The following AUTS2 variants were observed in gnomAD, a reference collection of about 807,000 sequenced individuals.
AUTS2 encodes activator of transcription and developmental regulator AUTS2.
A neutral mutation model predicts 112.4 loss-of-function variants in AUTS2; 17 were observed. That is an observed-to-expected ratio of 0.15 (90% CI 0.10 to 0.23). The LOEUF (loss-of-function observed/expected upper bound fraction) is 0.23. AUTS2 is among the 10% of genes least tolerant of loss of function. AUTS2 has a pLI of 1.00. For missense variants in AUTS2, 1,510 were observed against 1,701.6 expected, an observed-to-expected ratio of 0.89 and a Z score of 1.98; for synonymous variants, 751 against 702.7, an observed-to-expected ratio of 1.07 and a Z score of -1.09.
At chr7:70,649,866 G>A (rs1259728143) in intron 5 of AUTS2, among the ~76,000 whole-genome samples, 2 of 152,164 alleles carry the variant, frequency 1.3e-5, no homozygotes, top group Non-Finnish European at 2.9e-5. Flanking sequence ...TGATCTGTGT[G>A]CCACATTTCC....
intron 2 of AUTS2, among the ~76,000 whole-genome samples, chr7:69,965,528 C>T (rs1797603336): frequency 6.6e-6 from 1 of 152,142 alleles, no homozygotes; most frequent in African/African-American, 2.4e-5. Context: ...TAGATGCCCC[C>T]AACCCAGACT....
chr7:70,330,737 C>T (rs1474772909), intron 4 of AUTS2, among the ~76,000 whole-genome samples: 1 of 152,202 alleles, frequency 6.6e-6, no homozygotes, highest in Non-Finnish European at 1.5e-5. Context: ...CTTAACAATA[C>T]TGTCTCCCAA....
chr7:70,124,281 A>C (rs1249340471), intron 3 of AUTS2, among the ~76,000 whole-genome samples: 2 of 152,138 alleles, frequency 1.3e-5, no homozygotes, highest in African/African-American at 4.8e-5. Context: ...TAGTTTGCAA[A>C]TATTTTTCTC....
chr7:70,205,691 A>G (rs902879317), intron 4 of AUTS2, among the ~76,000 whole-genome samples: 2 of 152,194 alleles, frequency 1.3e-5, no homozygotes, highest in African/African-American at 4.8e-5. Flanking sequence ...TTTGCACAGC[A>G]ACGAGATCAC....
intron 1 of AUTS2, among the ~76,000 whole-genome samples, chr7:69,607,435 G>A (rs997048727): frequency 7.2e-5 from 11 of 152,116 alleles, no homozygotes; most frequent in Admixed American, 6.6e-4. Context: ...AGGACATTGT[G>A]TATGAAACGC....
chr7:69,659,405 CT>C (rs1795683131), intron 1 of AUTS2, among the ~76,000 whole-genome samples: 1 of 148,442 alleles, frequency 6.7e-6, no homozygotes, highest in South Asian at 2.1e-4. Context: ...CTGTTTTTCT[CT>C]TATTAAATAA....
chr7:70,128,482 T>G (rs917893375), intron 3 of AUTS2, among the ~76,000 whole-genome samples: 3 of 152,120 alleles, frequency 2.0e-5, no homozygotes, highest in Admixed American at 6.5e-5. Flanking sequence ...TAGGTGACAT[T>G]AAAACTGAGG....
intron 1 of AUTS2, among the ~76,000 whole-genome samples, chr7:69,763,932 A>G (rs924420292): frequency 2.6e-5 from 4 of 152,200 alleles, no homozygotes; most frequent in African/African-American, 9.6e-5. Flanking sequence ...CTTGGTAGGT[A>G]CCTAGTGAGC....
chr7:69,784,664 A>G (rs145284519), intron 1 of AUTS2, among the ~76,000 whole-genome samples: 1 of 152,340 alleles, frequency 6.6e-6, no homozygotes, highest in Admixed American at 6.5e-5. Flanking sequence ...TAGAGAAAGA[A>G]AGGAACAGTT....
chr7:70,275,914 G>C (rs1019296232), intron 4 of AUTS2, among the ~76,000 whole-genome samples: 1 of 152,142 alleles, frequency 6.6e-6, no homozygotes, highest in Admixed American at 6.6e-5. Context: ...AAATTACCCA[G>C]TCTTGGGCAG....
intron 5 of AUTS2, among the ~76,000 whole-genome samples, chr7:70,561,155 T>C (rs537531798): frequency 6.6e-6 from 1 of 152,338 alleles, no homozygotes; most frequent in South Asian, 2.1e-4. Flanking sequence ...TTTCTAAATC[T>C]TAGCATGTGA....
At chr7:69,865,924 G>A (rs1441397475) in intron 1 of AUTS2, among the ~76,000 whole-genome samples, 1 of 151,988 alleles carries the variant, frequency 6.6e-6, no homozygotes, top group African/African-American at 2.4e-5. Flanking sequence ...CTTTTATAAT[G>A]GTGCTTACGT....
chr7:69,788,369 G>A (rs1035868364), intron 1 of AUTS2, among the ~76,000 whole-genome samples: 1 of 152,186 alleles, frequency 6.6e-6, no homozygotes, highest in East Asian at 1.9e-4. Flanking sequence ...GAAGGTGGAA[G>A]TTACTTTGCC....
chr7:70,493,962 A>G (rs1185086715), intron 5 of AUTS2, among the ~76,000 whole-genome samples: 1 of 152,228 alleles, frequency 6.6e-6, no homozygotes, highest in Non-Finnish European at 1.5e-5. Context: ...ATAAGGCAGG[A>G]TAAGTATTCA....
chr7:69,792,158 G>A (rs1340550039), intron 1 of AUTS2, among the ~76,000 whole-genome samples: 1 of 151,988 alleles, frequency 6.6e-6, no homozygotes, highest in Non-Finnish European at 1.5e-5. Context: ...AACATAGAAG[G>A]AAGTTATGAA....
At chr7:70,042,987 G>A (rs1464571591) in intron 2 of AUTS2, among the ~76,000 whole-genome samples, 1 of 148,912 alleles carries the variant, frequency 6.7e-6, no homozygotes, top group Non-Finnish European at 1.5e-5. Flanking sequence ...ATATGTAAAA[G>A]TAGAGCTATA....
chr7:70,399,583 C>T (rs1794237598), intron 4 of AUTS2, among the ~76,000 whole-genome samples: 1 of 152,064 alleles, frequency 6.6e-6, no homozygotes, highest in Non-Finnish European at 1.5e-5. Context: ...CTTGTCCACA[C>T]CTAAGTGGAT....
At chr7:69,961,475 T>C (rs1031241657) in intron 2 of AUTS2, among the ~76,000 whole-genome samples, 31 of 152,180 alleles carry the variant, frequency 2.0e-4, no homozygotes, top group African/African-American at 7.2e-4. Flanking sequence ...GGAAAATCTC[T>C]TTAACATTGA....
intron 5 of AUTS2, among the ~76,000 whole-genome samples, chr7:70,607,297 A>G (rs1803834692): frequency 2.0e-5 from 3 of 152,142 alleles, no homozygotes; most frequent in African/African-American, 4.8e-5. Context: ...TAAAATAAGT[A>G]TGCCTCTCTG....
Sources: allele counts gnomAD v4.1 joint callset (sites outside exome capture counted in the v4.1 genomes callset), GRCh38; gene constraint gnomAD v4.1.1; transcripts MANE v1.5; gene names NCBI Gene and HGNC (gene_info 2026-07-23, HGNC 2026-07-21).